Variants in DPP10 observed in about 807,000 individuals in gnomAD.
DPP10 encodes the protein inactive dipeptidyl peptidase 10.
A neutral mutation model predicts 120.9 loss-of-function variants in DPP10; 33 were observed. The observed-to-expected ratio is 0.27, with a 90% confidence interval of 0.21 to 0.37. The LOEUF is 0.37. DPP10 is among the 10% of genes least tolerant of loss of function. DPP10 has a pLI of 1.00. For missense variants in DPP10, 816 were observed against 942.8 expected, an observed-to-expected ratio of 0.87 and a Z score of 1.76; for synonymous variants, 337 against 326.1, an observed-to-expected ratio of 1.03 and a Z score of -0.36.
intron 1 of DPP10, among the ~76,000 whole-genome samples, chr2:115,268,326 A>G (rs979534492): frequency 8.5e-5 from 13 of 152,206 alleles, no homozygotes; most frequent in Non-Finnish European, 1.9e-4. Flanking sequence ...AGGTTTGAAG[A>G]GGCAGTAAGT....
chr2:114,998,815 C>T (rs1276316784), intron 1 of DPP10, among the ~76,000 whole-genome samples: 1 of 152,134 alleles, frequency 6.6e-6, no homozygotes, highest in Non-Finnish European at 1.5e-5. Flanking sequence ...GTTAGCGCTG[C>T]CCCTGTATCT....
intron 4 of DPP10, among the ~76,000 whole-genome samples, chr2:115,522,240 C>T (rs2077854884): frequency 6.6e-6 from 1 of 152,140 alleles, no homozygotes; most frequent in Non-Finnish European, 1.5e-5. Flanking sequence ...GTGATTCTTA[C>T]ACAGACAGCT....
intron 1 of DPP10, among the ~76,000 whole-genome samples, chr2:114,985,959 C>G (rs1485427019): frequency 1.3e-5 from 2 of 152,064 alleles, no homozygotes; most frequent in Non-Finnish European, 2.9e-5. Context: ...TTAGAATGCA[C>G]AAGTAAGTGG....
intron 5 of DPP10, among the ~76,000 whole-genome samples, chr2:115,681,362 T>G (rs547819809): frequency 1.3e-5 from 2 of 151,976 alleles, no homozygotes; most frequent in African/African-American, 4.8e-5. Flanking sequence ...TTCTAATATT[T>G]AAAAAATCAT....
At chr2:115,230,165 C>CTATTT (rs1430304986) in intron 1 of DPP10, among the ~76,000 whole-genome samples, 1 of 151,724 alleles carries the variant, frequency 6.6e-6, no homozygotes, top group Non-Finnish European at 1.5e-5. Flanking sequence ...TACTTCCTAG[C>CTATTT]TATTTTATTT....
At chr2:115,036,010 C>T (rs1039159187) in intron 1 of DPP10, among the ~76,000 whole-genome samples, 4 of 152,174 alleles carry the variant, frequency 2.6e-5, no homozygotes, top group African/African-American at 9.7e-5. Context: ...TCTATTCTCA[C>T]AGTGCTATAA....
At chr2:115,772,921 T>A (rs937749105) in intron 13 of DPP10, among the ~76,000 whole-genome samples, 4 of 152,138 alleles carry the variant, frequency 2.6e-5, no homozygotes, top group Admixed American at 2.0e-4. Flanking sequence ...AAAAATTATA[T>A]GTGGGTGAAT....
At chr2:114,796,894 G>A (rs770826451) in intron 1 of DPP10, among the ~76,000 whole-genome samples, 2 of 152,164 alleles carry the variant, frequency 1.3e-5, no homozygotes, top group South Asian at 4.1e-4. Flanking sequence ...TCTCTGTGAA[G>A]TCACCTTCTA....
At chr2:115,289,506 G>GAAGAA (rs57788865) in intron 1 of DPP10, among the ~76,000 whole-genome samples, 6,502 of 114,294 alleles carry the variant, frequency 0.057, 631 homozygotes, top group African/African-American at 0.19. Flanking sequence ...AAAAAAAAAG[G>GAAGAA]AAGAAAAGAA....
intron 1 of DPP10, among the ~76,000 whole-genome samples, chr2:114,586,214 G>T (rs1690969207): frequency 6.6e-6 from 1 of 152,138 alleles, no homozygotes; most frequent in Non-Finnish European, 1.5e-5. Context: ...TCACACCACT[G>T]CATTCCAGCC....
chr2:115,115,324 C>T (rs549496333), intron 1 of DPP10, among the ~76,000 whole-genome samples: 1 of 152,248 alleles, frequency 6.6e-6, no homozygotes, highest in Admixed American at 6.5e-5. Context: ...GTGTGTTACT[C>T]TGCTGCTGTG....
Position 115,023,332 on chromosome 2 carries a change from G to A in DPP10, c.61-285907G>A, listed in dbSNP as rs182357203. The stretch of plus-strand genomic sequence containing the variant: ...CAATCCCATCTAAGAGTGGGCTAAG[G>A]ACATGAACAGACAATTCTCTAAAAA... On this transcript the variant is annotated intron_variant, in intron 1 of 25. Transcript: ENST00000410059. Among the ~76,000 whole-genome samples the A allele has an allele frequency of 2.4e-4, 36 of 148,432 alleles. No individual in the cohort carries two copies. The East Asian group carries it at 7.0e-3, about 29-fold the overall frequency.
intron 1 of DPP10, among the ~76,000 whole-genome samples, chr2:114,750,170 A>G (rs1679065560): frequency 6.6e-6 from 1 of 152,120 alleles, no homozygotes. Flanking sequence ...CAAGGCAAAA[A>G]TGTCATGAAG....
intron 1 of DPP10, among the ~76,000 whole-genome samples, chr2:115,224,817 G>A (rs575258944): frequency 6.6e-6 from 1 of 152,204 alleles, no homozygotes; most frequent in East Asian, 1.9e-4. Context: ...AAATAAAATT[G>A]CTGGGTGACA....
chr2:114,831,859 T>C (rs185454557), intron 1 of DPP10, among the ~76,000 whole-genome samples: 1 of 134,286 alleles, frequency 7.4e-6, no homozygotes, highest in African/African-American at 2.9e-5. Flanking sequence ...TTAAAAAAAA[T>C]ATATATATAT....
At chr2:114,866,126 A>AATAC (rs1212580303) in intron 1 of DPP10, among the ~76,000 whole-genome samples, 1 of 150,812 alleles carries the variant, frequency 6.6e-6, no homozygotes, top group Non-Finnish European at 1.5e-5. Flanking sequence ...TAAATAAATA[A>AATAC]ATAAATAAAT....
intron 1 of DPP10, among the ~76,000 whole-genome samples, chr2:114,527,490 G>A (rs1385268910): frequency 6.6e-6 from 1 of 152,130 alleles, no homozygotes; most frequent in Non-Finnish European, 1.5e-5. Flanking sequence ...TCTGAACAGT[G>A]AGCCAGAAGT....
chr2:114,729,615 A>G (rs1676690110), intron 1 of DPP10, among the ~76,000 whole-genome samples: 1 of 152,222 alleles, frequency 6.6e-6, no homozygotes, highest in Admixed American at 6.5e-5. Flanking sequence ...GCCTCCCCTC[A>G]GATCTACTGA....
chr2:114,828,319 A>G (rs1342928323), intron 1 of DPP10: 2 of 152,244 alleles, frequency 1.3e-5, no homozygotes, highest in East Asian at 1.9e-4. Flanking sequence ...TAACTTTTAT[A>G]TACAATTATA....
Sources: gnomAD v4.1 joint callset for allele counts (sites outside exome capture counted in the v4.1 genomes callset) on GRCh38, gnomAD v4.1.1 for gene constraint, MANE v1.5 for transcripts, NCBI Gene and HGNC (gene_info 2026-07-23, HGNC 2026-07-21) for gene names.